The following METTL25 variants were observed in gnomAD, a reference collection of about 807,000 sequenced individuals.
METTL25 encodes the protein methyltransferase like 25.
In METTL25, 64 loss-of-function variants were observed where a neutral mutation model predicts 71.6. The observed-to-expected ratio is 0.89, with a 90% confidence interval of 0.73 to 1.10. METTL25 has a LOEUF of 1.10. Ranked by LOEUF, METTL25 falls within the 50% of genes least tolerant of loss-of-function variation. The probability of loss-of-function intolerance (pLI) is 0.00; values close to 1 mark genes in which losing one functional copy is unlikely to be tolerated. For missense variants in METTL25, 807 were observed against 707.0 expected (o/e 1.14, Z -1.60); for synonymous variants, 287 against 250.3 (o/e 1.15, Z -1.38).
Position 82,389,935 on chromosome 12 carries a change from C to A in METTL25, c.531+13C>A. 1.4e-6 allele frequency: 2 copies of A among 1,436,710 alleles called. No homozygotes were observed. Among genetic ancestry groups the A allele is most frequent in the East Asian group, 2.3e-5 (1 of 43,128 alleles). The allele number at this position is 1,436,710 out of a possible 1,614,324, so 89.0% of individuals were successfully genotyped here. On this transcript the variant is annotated intron_variant, in intron 3 of 11. Coordinates refer to ENST00000248306, the MANE Select transcript of METTL25 (RefSeq NM_032230.3). ...TGGAATAAAGCAGGTAAGAGTATTT[C>A]CGTATGTTTTTAGGTGTTAAAATTA...
chr12:82,420,853 A>AT (rs571228067), intron 5 of METTL25, among the ~76,000 whole-genome samples: 4,860 of 147,884 alleles, frequency 0.033, 142 homozygotes, highest in South Asian at 0.09. Context: ...ATGAGGTTTG[A>AT]TTTTTTTTTT....
chr12:82,422,510 A>T (rs942483539), intron 5 of METTL25, among the ~76,000 whole-genome samples: 5 of 152,078 alleles, frequency 3.3e-5, no homozygotes, highest in African/African-American at 2.4e-5. Context: ...CTCTCTCACC[A>T]CTCCTATTCA....
Position 82,389,912 on chromosome 12 carries a change from GA to G in METTL25, c.523del (p.Ile175Ter), listed in dbSNP as rs761775867. ...ATCAGCAGTATTGCTGACTACTATG[GA>G]ATAAAGCAGGTAAGAGTATTTCCGT... is the stretch of plus-strand genomic sequence containing the variant. ...ELISSIADYY[G>X]IKQVIDLGSG... On this transcript the variant is annotated frameshift_variant, in exon 3 of 12. Coordinates refer to ENST00000248306, the MANE Select transcript of METTL25 (RefSeq NM_032230.3). LOFTEE classifies it high-confidence loss of function. 1.8e-5 allele frequency: 28 copies of G among 1,537,932 alleles called. No homozygotes were observed. Among genetic ancestry groups the G allele is most frequent in the Non-Finnish European group, 1.8e-6 (2 of 1,115,102 alleles).
intron 3 of METTL25, among the ~76,000 whole-genome samples, chr12:82,397,018 G>T (rs1886142372): frequency 6.6e-6 from 1 of 151,896 alleles, no homozygotes; most frequent in Admixed American, 6.6e-5. Context: ...CATTTGAGTT[G>T]TTTCTATTTT....
rs550110975 is a variant in METTL25 at position 82,470,239 on chromosome 12, G to T, written c.1573-6405G>T. 4.9e-4 allele frequency among the ~76,000 whole-genome samples: 75 copies of T among 152,234 alleles called. 1 individual carries two copies. Among genetic ancestry groups the T allele is most frequent in the African/African-American group, 1.7e-3 (70 of 41,542 alleles). On this transcript the variant is annotated intron_variant, in intron 9 of 11. Transcript: ENST00000248306. ...CAAATGTTACATTTCTTAGGTTCCT[G>T]CAAGGGTTCCCAGTGAACCCAGGTT...
intron 1 of METTL25, among the ~76,000 whole-genome samples, chr12:82,364,367 C>T (rs1049869496): frequency 2.6e-5 from 4 of 152,208 alleles, no homozygotes; most frequent in Non-Finnish European, 4.4e-5. Flanking sequence ...CAGTTTCATA[C>T]CATGTGAACT....
chr12:82,374,619 C>T (rs1883628602), intron 1 of METTL25, among the ~76,000 whole-genome samples: 2 of 152,162 alleles, frequency 1.3e-5, no homozygotes, highest in Admixed American at 1.3e-4. Context: ...CCCACCCGAC[C>T]CAGAAGCCCA....
At chr12:82,472,249 A>G (rs1816810624) in intron 9 of METTL25, among the ~76,000 whole-genome samples, 1 of 152,176 alleles carries the variant, frequency 6.6e-6, no homozygotes, top group South Asian at 2.1e-4. Flanking sequence ...GTGGTTGTCT[A>G]GGTTCATTTG....
At chr12:82,411,949 T>C (rs1404756911) in intron 5 of METTL25, among the ~76,000 whole-genome samples, 1 of 152,148 alleles carries the variant, frequency 6.6e-6, no homozygotes, top group East Asian at 1.9e-4. Context: ...TTAAGCTTCC[T>C]ATTAGCTATG....
intron 3 of METTL25, among the ~76,000 whole-genome samples, chr12:82,393,647 C>T (rs2136977186): frequency 6.6e-6 from 1 of 152,114 alleles, no homozygotes; most frequent in East Asian, 1.9e-4. Flanking sequence ...CTAGGACCTC[C>T]AATACTATGT....
chr12:82,477,635 G>A (rs1326068773), intron 11 of METTL25, among the ~76,000 whole-genome samples: 1 of 151,650 alleles, frequency 6.6e-6, no homozygotes. Context: ...ATGAAATATT[G>A]TATAGCTGAA....
intron 1 of METTL25, 57 bp downstream of exon 1, chr12:82,358,881 C>T (rs185942860): frequency 6.7e-4 from 1,027 of 1,540,118 alleles, no homozygotes; most frequent in Non-Finnish European, 8.6e-4. Flanking sequence ...TCCCGGCAGA[C>T]GAAGCGAGCC....
intron 9 of METTL25, among the ~76,000 whole-genome samples, chr12:82,469,339 T>C (rs1357270572): frequency 2.0e-5 from 3 of 151,952 alleles, no homozygotes; most frequent in East Asian, 1.9e-4. Context: ...AGGAAAGAGG[T>C]TTAATTGACT....
At chr12:82,366,302 T>C (rs1401875705) in intron 1 of METTL25, among the ~76,000 whole-genome samples, 1 of 152,184 alleles carries the variant, frequency 6.6e-6, no homozygotes, top group Non-Finnish European at 1.5e-5. Context: ...GAATTCCAGC[T>C]TCTGTGCCTG....
chr12:82,382,646 A>G (rs564381506), intron 1 of METTL25, among the ~76,000 whole-genome samples: 1 of 152,338 alleles, frequency 6.6e-6, no homozygotes, highest in South Asian at 2.1e-4. Flanking sequence ...AGATATCATA[A>G]TAAGATTTTA....
chr12:82,375,738 G>A (rs925515446), intron 1 of METTL25, among the ~76,000 whole-genome samples: 1 of 152,184 alleles, frequency 6.6e-6, no homozygotes, highest in Non-Finnish European at 1.5e-5. Context: ...CAACCTTTGA[G>A]CATCTCTTTT....
At chr12:82,448,703 T>C (rs1249106910) in intron 8 of METTL25, among the ~76,000 whole-genome samples, 1 of 152,102 alleles carries the variant, frequency 6.6e-6, no homozygotes, top group African/African-American at 2.4e-5. Context: ...TTAAAGATAA[T>C]CATTTAATCC....
At chr12:82,403,971 C>A (rs1455700769) in intron 5 of METTL25, among the ~76,000 whole-genome samples, 1 of 152,006 alleles carries the variant, frequency 6.6e-6, no homozygotes, top group Admixed American at 6.6e-5. Context: ...ATTGGTTGAT[C>A]TTTTCTTAGT....
chr12:82,363,511 C>T (rs911593779), intron 1 of METTL25, among the ~76,000 whole-genome samples: 3 of 152,112 alleles, frequency 2.0e-5, no homozygotes. Flanking sequence ...TCTGCAGGCT[C>T]AGGTATACCA....
Sources: allele counts gnomAD v4.1 joint callset (sites outside exome capture counted in the v4.1 genomes callset), GRCh38; gene constraint gnomAD v4.1.1; transcripts MANE v1.5; gene names NCBI Gene and HGNC (gene_info 2026-07-23, HGNC 2026-07-21).